The following CFDP1 variants were observed in gnomAD, a reference collection of about 807,000 sequenced individuals.
CFDP1 encodes chromatin remodeling protein CFDP1.
Under a neutral mutation model 40.1 loss-of-function variants are expected in CFDP1, and 31 were observed. The observed-to-expected ratio is 0.77, with a 90% CI of 0.58 to 1.04. CFDP1 has a LOEUF of 1.04. Among genes scored for constraint, CFDP1 ranks in the 50% least tolerant of loss-of-function variants. The pLI, the probability that CFDP1 is intolerant of heterozygous loss-of-function variation, is 0.00. For synonymous variants in CFDP1, 167 were observed against 120.0 expected, an observed-to-expected ratio of 1.39 and a Z score of -2.56; for missense variants, 423 against 343.4, an observed-to-expected ratio of 1.23 and a Z score of -1.83.
chr16:75,429,954 TG>T (rs762785495), intron 1 of CFDP1, among the ~76,000 whole-genome samples: 7 of 152,026 alleles, frequency 4.6e-5, no homozygotes, highest in Non-Finnish European at 7.4e-5. Flanking sequence ...GGGTGCAGCT[TG>T]GTTTTATATA....
chr16:75,356,726 A>T (rs1240985194), intron 5 of CFDP1, among the ~76,000 whole-genome samples: 3 of 152,112 alleles, frequency 2.0e-5, no homozygotes, highest in Non-Finnish European at 4.4e-5. Context: ...AAAGCTATTT[A>T]AAAAAATAAT....
intron 2 of CFDP1, among the ~76,000 whole-genome samples, chr16:75,413,744 A>G (rs1461280690): frequency 6.6e-6 from 1 of 152,188 alleles, no homozygotes; most frequent in Non-Finnish European, 1.5e-5. Flanking sequence ...CAAGTGAGGT[A>G]AAAGACTTCT....
chr16:75,297,168 G>GTC (rs1484555429), intron 6 of CFDP1, among the ~76,000 whole-genome samples: 2 of 94,990 alleles, frequency 2.1e-5, no homozygotes, highest in South Asian at 3.3e-4. Context: ...GTGTGTGTCT[G>GTC]TGTGTGTGTG....
rs1198456080 is a variant in CFDP1, at chr16:75,364,470, A to G, written c.650+30620T>C. 3.9e-5 allele frequency among the ~76,000 whole-genome samples: 6 copies of G among 152,110 alleles called. No homozygotes were observed. The South Asian group carries it at 1.2e-3, about 32-fold the overall frequency. On this transcript the variant is annotated intron_variant, in intron 5 of 6. Transcript: ENST00000283882. Reference sequence around the variant, plus strand: ...AAAGGTTAAAGCTATTTTCATGACAACACGAAGACATTATTTGCCTTCTTC... The same window carrying G: ...AAAGGTTAAAGCTATTTTCATGACAGCACGAAGACATTATTTGCCTTCTTC...
intron 5 of CFDP1, among the ~76,000 whole-genome samples, chr16:75,393,822 A>G (rs1289902098): frequency 6.8e-6 from 1 of 146,784 alleles, no homozygotes; most frequent in African/African-American, 2.5e-5. Context: ...CACTTTGGGA[A>G]GCCAAGGAGG....
chr16:75,397,604 C>T (rs2079007646), intron 4 of CFDP1, among the ~76,000 whole-genome samples: 2 of 152,032 alleles, frequency 1.3e-5, no homozygotes, highest in South Asian at 4.2e-4. Context: ...AGTTCGAGAC[C>T]AGCCAGGCCA....
chr16:75,353,990 T>C (rs1482456220), intron 5 of CFDP1, among the ~76,000 whole-genome samples: 4 of 152,164 alleles, frequency 2.6e-5, no homozygotes, highest in Non-Finnish European at 5.9e-5. Context: ...TTTTTTGCCT[T>C]TATCATGGTG....
intron 5 of CFDP1, among the ~76,000 whole-genome samples, chr16:75,393,564 T>C (rs2078969930): frequency 6.6e-6 from 1 of 151,100 alleles, no homozygotes. Flanking sequence ...ACCCCGTCTC[T>C]ACTAAAAATA....
intron 6 of CFDP1, among the ~76,000 whole-genome samples, chr16:75,301,461 G>T (rs1015640231): frequency 8.6e-5 from 13 of 150,508 alleles, no homozygotes; most frequent in South Asian, 2.1e-4. Flanking sequence ...GTGACAGCCT[G>T]CCCAGAGCCT....
At chr16:75,386,802 C>T (rs1159858006) in intron 5 of CFDP1, among the ~76,000 whole-genome samples, 3 of 152,152 alleles carry the variant, frequency 2.0e-5, no homozygotes, top group Admixed American at 1.3e-4. Context: ...TTTCATGACC[C>T]GAATTGTCAG....
chr16:75,354,994 A>T (rs1278430354), intron 5 of CFDP1, among the ~76,000 whole-genome samples: 2 of 152,210 alleles, frequency 1.3e-5, no homozygotes, highest in Non-Finnish European at 2.9e-5. Context: ...AGCCACACAA[A>T]TTTTTTGGTT....
intron 6 of CFDP1, among the ~76,000 whole-genome samples, chr16:75,301,189 A>G (rs1266401533): frequency 6.6e-6 from 1 of 152,180 alleles, no homozygotes; most frequent in Non-Finnish European, 1.5e-5. Context: ...AATTCCCACA[A>G]TAATCACGAG....
At chr16:75,360,620 T>C (rs992826034) in intron 5 of CFDP1, among the ~76,000 whole-genome samples, 3 of 152,184 alleles carry the variant, frequency 2.0e-5, no homozygotes, top group African/African-American at 7.2e-5. Flanking sequence ...TGTGGCTGAA[T>C]AAAATCCCTT....
chr16:75,393,737 CAAAAAAAAAAAAAAAAAAAAAAA>C (rs61344775), intron 5 of CFDP1, among the ~76,000 whole-genome samples: 3 of 80,620 alleles, frequency 3.7e-5, no homozygotes, highest in African/African-American at 5.8e-5. Flanking sequence ...GACTCCGTCG[CAAAAAAAAAAAAAAAAAAAAAAA>C]AAAAAAAAAA....
intron 5 of CFDP1, among the ~76,000 whole-genome samples, chr16:75,382,972 G>A (rs1282224311): frequency 2.0e-5 from 3 of 152,178 alleles, no homozygotes; most frequent in Admixed American, 1.3e-4. Flanking sequence ...TACTGAAATT[G>A]TACTACATTT....
At chr16:75,405,443 C>T (rs1439515945) in intron 4 of CFDP1, among the ~76,000 whole-genome samples, 1 of 151,468 alleles carries the variant, frequency 6.6e-6, no homozygotes, top group African/African-American at 2.4e-5. Context: ...CTGGATAAAC[C>T]CATCTATACA....
intron 5 of CFDP1, among the ~76,000 whole-genome samples, chr16:75,347,930 C>A (rs2078581249): frequency 6.6e-6 from 1 of 152,092 alleles, no homozygotes; most frequent in African/African-American, 2.4e-5. Flanking sequence ...CAGCACTTTC[C>A]AAAGGCAATG....
At chr16:75,416,239 A>C (rs1336790315) in intron 1 of CFDP1, among the ~76,000 whole-genome samples, 1 of 152,152 alleles carries the variant, frequency 6.6e-6, no homozygotes, top group Non-Finnish European at 1.5e-5. Context: ...GGCAAGATTC[A>C]AGACAAACAG....
At chr16:75,320,192 C>A (rs964798383) in intron 5 of CFDP1, among the ~76,000 whole-genome samples, 4 of 152,204 alleles carry the variant, frequency 2.6e-5, no homozygotes, top group African/African-American at 9.6e-5. Context: ...CAAGGTTCAT[C>A]CCATCCCTAC....
Sources: allele counts gnomAD v4.1 joint callset (sites outside exome capture counted in the v4.1 genomes callset), GRCh38; gene constraint gnomAD v4.1.1; transcripts MANE v1.5; gene names NCBI Gene and HGNC (gene_info 2026-07-23, HGNC 2026-07-21).